PLCB4: variants seen among roughly 807,000 people sequenced by gnomAD.
PLCB4 encodes the protein phospholipase C beta 4, also known as 1-phosphatidylinositol 4,5-bisphosphate phosphodiesterase beta-4.
A neutral mutation model predicts 178.8 loss-of-function variants in PLCB4; 77 were observed. The ratio of observed to expected loss-of-function variants is 0.43; its 90% CI spans 0.36 to 0.52. The LOEUF (loss-of-function observed/expected upper bound fraction) is 0.52, where lower values mean the gene tolerates loss of function less well. PLCB4 is among the 20% of genes least tolerant of loss of function. The pLI is 0.00. For synonymous variants in PLCB4, 496 were observed against 490.8 expected (o/e 1.01, Z -0.14); for missense variants, 1,024 against 1,453.4 (o/e 0.70, Z 4.80).
chr20:9,372,307 A>G lies in PLCB4; in HGVS notation c.590A>G (p.Asp197Gly), dbSNP rs1446488862. 1 of 1,549,436 alleles carries G rather than the reference A, an allele frequency of 6.5e-7. No individual in the cohort carries two copies. The highest frequency in any genetic ancestry group is 8.9e-7 in the Non-Finnish European group (1 of 1,123,190). The stretch of plus-strand genomic sequence containing the variant: ...ACATGATTTTATTCCTTACAGAATG[A>G]TGAAATTGAGCCCACAGCATTTTCT... ...KELGLPSGKNDEIEPTAFSYE... is the reference protein window; with the variant it reads ...KELGLPSGKNGEIEPTAFSYE... The change falls in exon 11 of 40, where the codon GAT becomes GGT. Residue 197 changes from aspartate (D) to glycine (G), a missense_variant. Physicochemically the swap from Asp to Gly is moderately conservative, Grantham distance 94 (BLOSUM62 -1). Coordinates refer to ENST00000378473, the MANE Select transcript of PLCB4 (RefSeq NM_001377142.1).
At chr20:9,210,495 T>A (rs2093661908) in intron 2 of PLCB4, among the ~76,000 whole-genome samples, 1 of 152,102 alleles carries the variant, frequency 6.6e-6, no homozygotes. Context: ...CGGAGTTGGC[T>A]GGGTGGAAGT....
intron 3 of PLCB4, among the ~76,000 whole-genome samples, chr20:9,218,212 G>A (rs1329424754): frequency 6.6e-6 from 1 of 152,166 alleles, no homozygotes; most frequent in Non-Finnish European, 1.5e-5. Flanking sequence ...CTGGGTTCAA[G>A]CGATTCTCCT....
chr20:9,254,495 C>T (rs1239692117), intron 3 of PLCB4, among the ~76,000 whole-genome samples: 2 of 152,048 alleles, frequency 1.3e-5, no homozygotes, highest in Non-Finnish European at 2.9e-5. Flanking sequence ...CCTAGGAGTT[C>T]GAGACCAGCC....
chr20:9,205,128 G>A (rs2093600653), intron 2 of PLCB4, among the ~76,000 whole-genome samples: 1 of 152,174 alleles, frequency 6.6e-6, no homozygotes, highest in African/African-American at 2.4e-5. Context: ...GCTAGCATAT[G>A]TAATGAGTTT....
intron 31 of PLCB4, 38 bp from the exon 32 acceptor site, chr20:9,444,140 A>G: frequency 6.6e-7 from 1 of 1,523,414 alleles, no homozygotes; most frequent in South Asian, 1.2e-5. Flanking sequence ...AAAAGAAAAA[A>G]CAAAAAACCT....
intron 25 of PLCB4, among the ~76,000 whole-genome samples, chr20:9,416,541 T>C (rs1013358704): frequency 1.3e-5 from 2 of 152,332 alleles, no homozygotes; most frequent in Admixed American, 1.3e-4. Context: ...AGAAAGCTGG[T>C]GGGCTTCCCT....
Position 9,362,924 on chromosome 20 carries a change from T to C in PLCB4, c.398T>C (p.Ile133Thr). ...TGGGTAGAAGGCCTGAGATCAATCATACACAACTTCAGGGCCAACAACGTC... is the reference window on the plus strand; with the variant it reads ...TGGGTAGAAGGCCTGAGATCAATCACACACAACTTCAGGGCCAACAACGTC... ...KQWVEGLRSI[I>T]HNFRANNVSP... The change falls in exon 8 of 40, where the codon ATA becomes ACA. Residue 133 changes from isoleucine to threonine, a missense_variant. This residue lies in a region of PLCB4 where 225 missense variants were observed against 291.0 expected (regional missense o/e 0.77). Coordinates refer to ENST00000378473, the MANE Select transcript of PLCB4 (RefSeq NM_001377142.1). 2 of 1,613,014 alleles carry C rather than the reference T, an allele frequency of 1.2e-6. No individual in the cohort carries two copies. Among genetic ancestry groups the C allele is most frequent in the Non-Finnish European group, 1.7e-6 (2 of 1,179,044 alleles).
intron 12 of PLCB4, among the ~76,000 whole-genome samples, chr20:9,374,244 C>A (rs1160506929): frequency 6.6e-6 from 1 of 152,162 alleles, no homozygotes; most frequent in Admixed American, 6.5e-5. Flanking sequence ...ACAGATGCCT[C>A]TAAAATAATC....
At chr20:9,298,388 G>C (rs1412161393) in intron 3 of PLCB4, among the ~76,000 whole-genome samples, 1 of 151,996 alleles carries the variant, frequency 6.6e-6, no homozygotes. Context: ...TTTTGTTATA[G>C]AGGGTCTCAG....
chr20:9,216,647 G>A (rs1264744538), intron 2 of PLCB4, among the ~76,000 whole-genome samples: 5 of 144,006 alleles, frequency 3.5e-5, no homozygotes, highest in African/African-American at 1.0e-4. Context: ...TTACAGGCAC[G>A]CACCACCACA....
At chr20:9,374,963 T>C (rs1380049959) in intron 12 of PLCB4, among the ~76,000 whole-genome samples, 1 of 152,168 alleles carries the variant, frequency 6.6e-6, no homozygotes, top group African/African-American at 2.4e-5. Context: ...TGATGTCTTC[T>C]TAACATTAAG....
intron 3 of PLCB4, among the ~76,000 whole-genome samples, chr20:9,281,510 C>T (rs2094494680): frequency 6.6e-6 from 1 of 151,902 alleles, no homozygotes; most frequent in Non-Finnish European, 1.5e-5. Context: ...CACTCCAAAT[C>T]AGAGTTTCAA....
chr20:9,150,054 C>T (rs774126737), intron 2 of PLCB4, among the ~76,000 whole-genome samples: 1 of 152,192 alleles, frequency 6.6e-6, no homozygotes, highest in South Asian at 2.1e-4. Context: ...CAGTTGAGGG[C>T]ATTCTGCCTG....
At chr20:9,136,522 C>T (rs2092387015) in intron 2 of PLCB4, among the ~76,000 whole-genome samples, 1 of 152,020 alleles carries the variant, frequency 6.6e-6, no homozygotes, top group East Asian at 1.9e-4. Context: ...AAGCCTTACT[C>T]CTTGCACTTG....
chr20:9,283,746 A>G (rs1180204257), intron 3 of PLCB4, among the ~76,000 whole-genome samples: 2 of 151,948 alleles, frequency 1.3e-5, no homozygotes, highest in Non-Finnish European at 2.9e-5. Context: ...AATTCTGTGT[A>G]GTATCTAGTC....
chr20:9,389,583 C>G (rs2037965007), intron 15 of PLCB4, among the ~76,000 whole-genome samples: 1 of 152,188 alleles, frequency 6.6e-6, no homozygotes, highest in Non-Finnish European at 1.5e-5. Context: ...CCTGGCCTGG[C>G]AGATTAACAA....
chr20:9,281,408 T>G (rs2094493960), intron 3 of PLCB4, among the ~76,000 whole-genome samples: 1 of 151,996 alleles, frequency 6.6e-6, no homozygotes, highest in African/African-American at 2.4e-5. Flanking sequence ...TGGAACAATA[T>G]TTTTCTTACA....
intron 3 of PLCB4, among the ~76,000 whole-genome samples, chr20:9,282,455 T>C (rs942925019): frequency 6.6e-6 from 1 of 151,990 alleles, no homozygotes. Flanking sequence ...ACCCCCATAC[T>C]CACACCCTGG....
intron 32 of PLCB4, among the ~76,000 whole-genome samples, chr20:9,447,608 A>G (rs6056631): frequency 0.22 from 33,212 of 152,214 alleles, 4,124 homozygotes; most frequent in East Asian, 0.36. Context: ...TGACAAAGTT[A>G]CATCAGAAGT....
Sources: gnomAD v4.1 joint callset for allele counts (sites outside exome capture counted in the v4.1 genomes callset) on GRCh38, gnomAD v4.1.1 for gene constraint, gnomAD v4.1.1 regional missense constraint, MANE v1.5 for transcripts, NCBI Gene and HGNC (gene_info 2026-07-23, HGNC 2026-07-21) for gene names.